The following RBPJ variants were observed in gnomAD, a reference collection of about 807,000 sequenced individuals.
RBPJ encodes recombining binding protein suppressor of hairless.
Under a neutral mutation model 67.8 loss-of-function variants are expected in RBPJ, and 9 were observed. The observed-to-expected ratio is 0.13, with a 90% CI of 0.08 to 0.23. The LOEUF (loss-of-function observed/expected upper bound fraction) is 0.23. Ranked by LOEUF, RBPJ falls within the 10% of genes least tolerant of loss-of-function variation. The probability of loss-of-function intolerance (pLI) is 1.00; values close to 1 mark genes in which losing one functional copy is unlikely to be tolerated. For synonymous variants in RBPJ, 198 were observed against 203.3 expected (o/e 0.97, Z 0.22); for missense variants, 305 against 595.6 (o/e 0.51, Z 5.08).
intron 1 of RBPJ, among the ~76,000 whole-genome samples, chr4:26,270,437 G>GAAAGAAGAAAGA (rs757127437): frequency 6.6e-5 from 2 of 30,196 alleles, no homozygotes; most frequent in Non-Finnish European, 2.0e-4. Context: ...AAGAAAGAAA[G>GAAAGAAGAAAGA]AAGAAAGAAA....
the RBPJ span, among the ~76,000 whole-genome samples, chr4:26,123,080 C>T: frequency 6.6e-6 from 1 of 152,092 alleles, no homozygotes; most frequent in Admixed American, 6.5e-5. Flanking sequence ...AGAAATGTGT[C>T]ATTAGGGGAG....
chr4:26,178,627 A>G (rs1462361571), intron 1 of RBPJ, among the ~76,000 whole-genome samples: 1 of 150,582 alleles, frequency 6.6e-6, no homozygotes, highest in East Asian at 1.9e-4. Context: ...AAAAAAAAAA[A>G]AAGAAGTCCC....
rs183112532 is a variant in RBPJ, at chr4:26,313,067, C to T, written c.-166-49379C>T. Among the ~76,000 whole-genome samples, 180 of 152,252 alleles carry T rather than the reference C, an allele frequency of 1.2e-3. 6 individuals are homozygous for T. Among genetic ancestry groups the T allele is most frequent in the Admixed American group, 0.01 (160 of 15,292 alleles). Reference sequence around the variant, plus strand: ...CCTCCTGAGTAGCTGGGATTACAGGCATATGCCACCATGCCCAGCTAATTT... The same window carrying T: ...CCTCCTGAGTAGCTGGGATTACAGGTATATGCCACCATGCCCAGCTAATTT... On this transcript the variant is annotated intron_variant, in intron 1 of 4. Coordinates refer to the RBPJ transcript ENST00000512351.
intron 1 of RBPJ, among the ~76,000 whole-genome samples, chr4:26,275,784 C>T (rs1020283569): frequency 6.6e-6 from 1 of 151,978 alleles, no homozygotes; most frequent in Admixed American, 6.6e-5. Flanking sequence ...GCGTGCACCA[C>T]CACACCCAGC....
chr4:26,405,896 A>G (rs1225087494), intron 2 of RBPJ, among the ~76,000 whole-genome samples: 1 of 152,200 alleles, frequency 6.6e-6, no homozygotes, highest in African/African-American at 2.4e-5. Flanking sequence ...GGAAGGTGTA[A>G]TTGTGGTTTG....
upstream of RBPJ, among the ~76,000 whole-genome samples, chr4:26,315,673 G>T (rs1308612996): frequency 6.6e-6 from 1 of 152,074 alleles, no homozygotes; most frequent in Non-Finnish European, 1.5e-5. Context: ...TACCAGGGCA[G>T]GATTTTTTCC....
chr4:26,302,439 C>T (rs1402508331), intron 1 of RBPJ, among the ~76,000 whole-genome samples: 2 of 152,186 alleles, frequency 1.3e-5, no homozygotes, highest in African/African-American at 4.8e-5. Context: ...TCTCCCCAGT[C>T]CCGTTTCTCC....
At position 26,339,713 on chromosome 4, in the gene RBPJ, T is replaced by C. The variant is rs115353252; in HGVS notation, c.20+18665T>C. 4.6e-3 allele frequency among the ~76,000 whole-genome samples: 693 copies of C among 151,580 alleles called. 2 individuals are homozygous for C. The highest frequency in any genetic ancestry group is 7.8e-3 in the Non-Finnish European group (531 of 67,792). On this transcript the variant is annotated intron_variant, in intron 1 of 10. Transcript: ENST00000355476. ...CTCCAAATCAGTGAGAAAAAGAGCA[T>C]TCAAAAAGTTACATTAGAACACTTC...
chr4:26,153,347 C>A, the RBPJ span, among the ~76,000 whole-genome samples: 3 of 152,120 alleles, frequency 2.0e-5, no homozygotes, highest in Non-Finnish European at 4.4e-5. Context: ...TTCAGGGTAA[C>A]CAAGCAGCAC....
chr4:26,136,182 A>G, the RBPJ span, among the ~76,000 whole-genome samples: 1 of 152,200 alleles, frequency 6.6e-6, no homozygotes, highest in Non-Finnish European at 1.5e-5. Flanking sequence ...CCCTTGACAC[A>G]TAGGGATTAT....
chr4:26,431,200 A>AAAG lies in RBPJ; in HGVS notation c.*195_*196insGAA. On this transcript the variant is annotated 3_prime_UTR_variant, in exon 11 of 11. Coordinates refer to ENST00000355476, the MANE Select transcript of RBPJ (RefSeq NM_015874.6). ...AAGCCACAGTAAAAAAAAAAAAAAA[A>AAAG]AAAAAAAAAAAGAAAAAAAAATCAA... The AAAG allele has an allele frequency of 2.7e-6, 1 of 373,328 alleles. No individual in the cohort carries two copies. The highest frequency in any genetic ancestry group is 4.7e-6 in the Non-Finnish European group (1 of 213,956). 23.1% of individuals were successfully genotyped at this position (373,328 alleles called of 1,614,324 possible). A position where few individuals can be genotyped will look rare whatever the true frequency, so the allele number is the denominator to read the frequency against.
At chr4:26,193,372 GT>G (rs1717638324) in intron 1 of RBPJ, among the ~76,000 whole-genome samples, 1 of 152,196 alleles carries the variant, frequency 6.6e-6, no homozygotes, top group Non-Finnish European at 1.5e-5. Flanking sequence ...TCTTGTCTCA[GT>G]TTTGGAATAA....
upstream of RBPJ, among the ~76,000 whole-genome samples, chr4:26,315,809 T>C (rs1268972764): frequency 1.3e-5 from 2 of 152,150 alleles, no homozygotes; most frequent in African/African-American, 4.8e-5. Flanking sequence ...GCAATTCTTT[T>C]CCCAGAGTAT....
intron 1 of RBPJ, among the ~76,000 whole-genome samples, chr4:26,342,558 T>G (rs949439430): frequency 2.0e-5 from 3 of 152,196 alleles, no homozygotes; most frequent in African/African-American, 7.2e-5. Flanking sequence ...GTTAACTTAG[T>G]CATCTGACAA....
At chr4:26,277,640 GC>G (rs1240731404) in intron 1 of RBPJ, among the ~76,000 whole-genome samples, 4 of 152,226 alleles carry the variant, frequency 2.6e-5, no homozygotes, top group Non-Finnish European at 5.9e-5. Context: ...AGTGGCAGGG[GC>G]CTATTCATTT....
chr4:26,333,599 A>G (rs73245764), intron 1 of RBPJ, among the ~76,000 whole-genome samples: 2 of 152,108 alleles, frequency 1.3e-5, no homozygotes. Context: ...TCTGTTACCC[A>G]GGCAGACTTG....
chr4:26,220,135 A>G (rs1718854738), intron 1 of RBPJ, among the ~76,000 whole-genome samples: 1 of 152,148 alleles, frequency 6.6e-6, no homozygotes. Context: ...GCTCTGAGCC[A>G]CTACTTTACA....
chr4:26,341,308 A>G (rs1448771678), intron 1 of RBPJ, among the ~76,000 whole-genome samples: 1 of 149,838 alleles, frequency 6.7e-6, no homozygotes, highest in South Asian at 2.1e-4. Flanking sequence ...GTCAGATAAC[A>G]TGTGGTAAAA....
At chr4:26,385,851 G>A (rs1190081063) in intron 1 of RBPJ, among the ~76,000 whole-genome samples, 1 of 150,592 alleles carries the variant, frequency 6.6e-6, no homozygotes, top group African/African-American at 2.5e-5. Context: ...CACCCAGGCT[G>A]GAGTGCAGTG....
Sources: gnomAD v4.1 joint callset for allele counts (sites outside exome capture counted in the v4.1 genomes callset) on GRCh38, gnomAD v4.1.1 for gene constraint, MANE v1.5 for transcripts, NCBI Gene and HGNC (gene_info 2026-07-23, HGNC 2026-07-21) for gene names.